The following FAM168A variants were observed in gnomAD, a reference collection of about 807,000 sequenced individuals.
FAM168A encodes protein FAM168A.
Under a neutral mutation model 28.5 loss-of-function variants are expected in FAM168A, and 3 were observed. The observed-to-expected ratio is 0.11, with a 90% CI of 0.05 to 0.27. The LOEUF is 0.27. FAM168A is among the 10% of genes least tolerant of loss of function. The probability of loss-of-function intolerance (pLI) is 1.00; values close to 1 mark genes in which losing one functional copy is unlikely to be tolerated. For synonymous variants in FAM168A, 122 were observed against 124.2 expected, an observed-to-expected ratio of 0.98 and a Z score of 0.12; for missense variants, 222 against 311.5, an observed-to-expected ratio of 0.71 and a Z score of 2.16.
intron 1 of FAM168A, among the ~76,000 whole-genome samples, chr11:73,550,199 A>G (rs1016231773): frequency 1.3e-5 from 2 of 152,232 alleles, no homozygotes; most frequent in Admixed American, 6.5e-5. Flanking sequence ...ACAGAAACTT[A>G]AATTGGAATA....
intron 1 of FAM168A, among the ~76,000 whole-genome samples, chr11:73,484,528 CTA>C (rs1306391062): frequency 7.2e-6 from 1 of 138,520 alleles, no homozygotes; most frequent in Admixed American, 7.2e-5. Flanking sequence ...ATATATATAT[CTA>C]TATATCTATA....
chr11:73,521,901 CA>C (rs1258819497), intron 1 of FAM168A, among the ~76,000 whole-genome samples: 2 of 151,922 alleles, frequency 1.3e-5, no homozygotes, highest in Non-Finnish European at 2.9e-5. Flanking sequence ...AGAAGTAACC[CA>C]AAAGACTACA....
intron 2 of FAM168A, among the ~76,000 whole-genome samples, chr11:73,460,881 G>A (rs1289962787): frequency 2.0e-5 from 3 of 152,154 alleles, no homozygotes; most frequent in Non-Finnish European, 4.4e-5. Context: ...GGAAATGACC[G>A]AAGATAAGAG....
chr11:73,443,863 CT>C (rs1426350135), intron 2 of FAM168A, among the ~76,000 whole-genome samples: 2 of 151,908 alleles, frequency 1.3e-5, no homozygotes, highest in Admixed American at 1.3e-4. Flanking sequence ...TCCTTTTTTC[CT>C]TCTCCTGTAT....
chr11:73,528,300 A>T (rs1943470863), intron 1 of FAM168A, among the ~76,000 whole-genome samples: 1 of 152,194 alleles, frequency 6.6e-6, no homozygotes, highest in South Asian at 2.1e-4. Context: ...TAGCCTCCAG[A>T]TGTTTACGGT....
At chr11:73,452,885 A>G (rs1867458528) in intron 2 of FAM168A, among the ~76,000 whole-genome samples, 1 of 152,104 alleles carries the variant, frequency 6.6e-6, no homozygotes, top group South Asian at 2.1e-4. Flanking sequence ...ACTCAACACT[A>G]TGCTGCAGGT....
chr11:73,590,166 C>G (rs1319399460), intron 1 of FAM168A, among the ~76,000 whole-genome samples: 1 of 152,028 alleles, frequency 6.6e-6, no homozygotes, highest in Non-Finnish European at 1.5e-5. Flanking sequence ...CTTTGGGAGG[C>G]TGAGGCAGGA....
chr11:73,466,810 G>A (rs1266382823), intron 2 of FAM168A, among the ~76,000 whole-genome samples: 3 of 152,088 alleles, frequency 2.0e-5, no homozygotes, highest in African/African-American at 7.2e-5. Flanking sequence ...TATGTAGTAA[G>A]CTGATATTGG....
At chr11:73,432,841 C>T (rs1417054083) in intron 2 of FAM168A, among the ~76,000 whole-genome samples, 1 of 152,040 alleles carries the variant, frequency 6.6e-6, no homozygotes, top group Non-Finnish European at 1.5e-5. Context: ...CGAGATGACG[C>T]CACTGCACTC....
chr11:73,538,975 GTAGT>G (rs1322337145), intron 1 of FAM168A, among the ~76,000 whole-genome samples: 1 of 152,184 alleles, frequency 6.6e-6, no homozygotes, highest in African/African-American at 2.4e-5. Flanking sequence ...TACTACTACA[GTAGT>G]TAGATCCTCA....
At chr11:73,533,270 T>A (rs1435242748) in intron 1 of FAM168A, among the ~76,000 whole-genome samples, 1 of 152,228 alleles carries the variant, frequency 6.6e-6, no homozygotes, top group Admixed American at 6.5e-5. Flanking sequence ...TGAGAAATCA[T>A]GAAGTTTCAT....
intron 1 of FAM168A, among the ~76,000 whole-genome samples, chr11:73,503,404 A>T (rs1419402576): frequency 1.3e-5 from 2 of 152,130 alleles, no homozygotes; most frequent in African/African-American, 4.8e-5. Context: ...ATTCACAATC[A>T]CTACAAAGAG....
At chr11:73,426,787 A>G (rs950438849) in intron 3 of FAM168A, among the ~76,000 whole-genome samples, 5 of 151,814 alleles carry the variant, frequency 3.3e-5, no homozygotes, top group African/African-American at 4.8e-5. Flanking sequence ...AATCAGAAGC[A>G]AAGTTAGTGC....
chr11:73,493,164 T>A (rs1854793803), intron 1 of FAM168A, among the ~76,000 whole-genome samples: 1 of 144,394 alleles, frequency 6.9e-6, no homozygotes. Context: ...CCCTCAAACC[T>A]AAAATGAAAG....
rs1413426463 is a variant in FAM168A at position 73,407,541 on chromosome 11, G to T, written c.698C>A (p.Pro233Gln). The change falls in exon 7 of 8, where the codon CCA becomes CAA. Residue 233 changes from proline to glutamine, a missense_variant. Physicochemically the swap from Pro to Gln is moderately conservative, Grantham distance 76 (BLOSUM62 -1). Coordinates refer to ENST00000356467, the MANE Select transcript of FAM168A (RefSeq NM_015159.3). ...GATGGGCTGCAGGCTTTACCAGTGT[G>T]GGGGCACGTAGCTGTACGCAGGGGT... ...QGTPAYSYVP[P>Q]HW 1 of 1,590,564 alleles carries T rather than the reference G, an allele frequency of 6.3e-7. No individual in the cohort carries two copies. The highest frequency in any genetic ancestry group is 1.1e-5 in the South Asian group (1 of 87,420).
intron 1 of FAM168A, among the ~76,000 whole-genome samples, chr11:73,470,826 C>T (rs555081426): frequency 3.9e-5 from 6 of 152,210 alleles, no homozygotes; most frequent in Non-Finnish European, 4.4e-5. Context: ...TACCTGTAAA[C>T]ATCTGAGCAC....
intron 1 of FAM168A, among the ~76,000 whole-genome samples, chr11:73,496,478 G>A (rs1854877981): frequency 6.6e-6 from 1 of 152,228 alleles, no homozygotes. Flanking sequence ...ACAATGAAGT[G>A]CATATAGTTA....
intron 1 of FAM168A, among the ~76,000 whole-genome samples, chr11:73,544,780 A>T (rs1284120773): frequency 1.8e-5 from 2 of 108,604 alleles, no homozygotes; most frequent in East Asian, 2.3e-4. Context: ...ATTATATATA[A>T]TTATATATTT....
In FAM168A at chr11:73,440,030, C is replaced by T. The variant is rs776797317; in HGVS notation, c.71-9260G>A. Among the ~76,000 whole-genome samples, 70 of 152,042 alleles carry T rather than the reference C, an allele frequency of 4.6e-4. 1 individual carries two copies. The highest frequency in any genetic ancestry group is 2.4e-4 in the Non-Finnish European group (16 of 67,978). ...CCTCCTGAGTAGCTGGGATTACAGG[C>T]GCCTGCCACCGCGCCCAGCTAATTT... is the stretch of plus-strand genomic sequence containing the variant. On this transcript the variant is annotated intron_variant, in intron 2 of 7. Transcript: ENST00000356467.
Sources: gnomAD v4.1 joint callset for allele counts (sites outside exome capture counted in the v4.1 genomes callset) on GRCh38, gnomAD v4.1.1 for gene constraint, MANE v1.5 for transcripts, NCBI Gene and HGNC (gene_info 2026-07-23, HGNC 2026-07-21) for gene names.